FOXP2: variants seen among roughly 807,000 people sequenced by gnomAD.
The protein encoded by FOXP2 is forkhead box protein P2.
A neutral mutation model predicts 115.8 loss-of-function variants in FOXP2; 12 were observed. The observed-to-expected ratio is 0.10, with a 90% CI of 0.07 to 0.17. FOXP2 has a LOEUF of 0.17. Among genes scored for constraint, FOXP2 ranks in the 10% least tolerant of loss-of-function variants. The pLI, the probability that FOXP2 is intolerant of heterozygous loss-of-function variation, is 1.00. For synonymous variants in FOXP2, 328 were observed against 297.7 expected (o/e 1.10, Z -1.05); for missense variants, 629 against 843.5 (o/e 0.75, Z 3.15).
chr7:114,295,529 G>A (rs1057313318), intron 2 of FOXP2, among the ~76,000 whole-genome samples: 19 of 152,290 alleles, frequency 1.2e-4, no homozygotes, highest in African/African-American at 4.6e-4. Context: ...CATGCAGCTT[G>A]AATGTTTTCG....
At chr7:114,482,230 C>T (rs1443706284) in intron 2 of FOXP2, among the ~76,000 whole-genome samples, 1 of 151,450 alleles carries the variant, frequency 6.6e-6, no homozygotes, top group African/African-American at 2.4e-5. Context: ...TAGGAATTGG[C>T]AGTTAGCCCA....
intron 1 of FOXP2, among the ~76,000 whole-genome samples, chr7:114,131,551 T>C (rs1044748391): frequency 6.6e-6 from 1 of 150,520 alleles, no homozygotes; most frequent in African/African-American, 2.4e-5. Context: ...CTGCAAGGAA[T>C]GTGCAAAAAA....
chr7:114,554,769 AT>A (rs889329040), intron 3 of FOXP2, among the ~76,000 whole-genome samples: 18 of 152,022 alleles, frequency 1.2e-4, no homozygotes, highest in Admixed American at 3.3e-4. Context: ...TTTAATACTA[AT>A]TTTTTTTCAT....
At chr7:114,591,583 T>G (rs1029226141) in intron 3 of FOXP2, among the ~76,000 whole-genome samples, 4 of 152,006 alleles carry the variant, frequency 2.6e-5, no homozygotes, top group Non-Finnish European at 4.4e-5. Flanking sequence ...CAGACTCAGA[T>G]TCTGCTCATG....
chr7:114,445,531 C>G (rs1197879990), intron 2 of FOXP2, among the ~76,000 whole-genome samples: 1 of 152,070 alleles, frequency 6.6e-6, no homozygotes, highest in Non-Finnish European at 1.5e-5. Context: ...GAATAAAAAG[C>G]TGAGCAGCTG....
At chr7:114,564,034 AC>A (rs1420050523) in intron 3 of FOXP2, among the ~76,000 whole-genome samples, 1 of 152,092 alleles carries the variant, frequency 6.6e-6, no homozygotes, top group Non-Finnish European at 1.5e-5. Context: ...TCCAGTCTGA[AC>A]CCACACCCTC....
At chr7:114,244,984 G>A (rs187944151) in intron 1 of FOXP2, among the ~76,000 whole-genome samples, 2,776 of 152,120 alleles carry the variant, frequency 0.018, 84 homozygotes, top group African/African-American at 0.064. Flanking sequence ...GGATGGTCTC[G>A]ATCTCCTGAC....
intron 2 of FOXP2, among the ~76,000 whole-genome samples, chr7:114,405,120 T>TA (rs146126925): frequency 0.013 from 2,017 of 152,030 alleles, 42 homozygotes; most frequent in African/African-American, 0.046. Flanking sequence ...GGCCCCCTAT[T>TA]AAGTGGTAGA....
intron 1 of FOXP2, among the ~76,000 whole-genome samples, chr7:114,151,843 A>G (rs1457480175): frequency 1.3e-5 from 2 of 152,118 alleles, no homozygotes; most frequent in Non-Finnish European, 2.9e-5. Context: ...ATATAACACA[A>G]AAACAAGTCA....
chr7:114,675,472 C>G (rs1222933169), intron 16 of FOXP2, among the ~76,000 whole-genome samples: 1 of 152,092 alleles, frequency 6.6e-6, no homozygotes, highest in Non-Finnish European at 1.5e-5. Flanking sequence ...ATTTTGAATT[C>G]ATTTTATATC....
chr7:114,584,726 C>T (rs1380893449), intron 3 of FOXP2, among the ~76,000 whole-genome samples: 2 of 152,216 alleles, frequency 1.3e-5, no homozygotes, highest in African/African-American at 4.8e-5. Flanking sequence ...TCCTTCCTCT[C>T]TGCTCTGAAA....
chr7:114,384,964 G>A (rs1385388409), intron 2 of FOXP2, among the ~76,000 whole-genome samples: 2 of 151,576 alleles, frequency 1.3e-5, no homozygotes, highest in Non-Finnish European at 2.9e-5. Context: ...GACTTTTAAA[G>A]GAATAGGGCA....
At chr7:114,146,765 A>G (rs1361901636) in intron 1 of FOXP2, among the ~76,000 whole-genome samples, 1 of 152,206 alleles carries the variant, frequency 6.6e-6, no homozygotes, top group Non-Finnish European at 1.5e-5. Context: ...CAGGCAGGAA[A>G]AACAATAGAC....
chr7:114,616,365 G>A (rs1182969360), intron 3 of FOXP2, among the ~76,000 whole-genome samples: 2 of 152,086 alleles, frequency 1.3e-5, no homozygotes, highest in Non-Finnish European at 2.9e-5. Flanking sequence ...GTTTCACCAC[G>A]TTGGCCAAGC....
intron 2 of FOXP2, among the ~76,000 whole-genome samples, chr7:114,533,584 G>A (rs926969445): frequency 6.6e-6 from 1 of 151,786 alleles, no homozygotes; most frequent in Admixed American, 6.6e-5. Context: ...ATCCAATAAT[G>A]TTTTCTCATT....
At chr7:114,448,223 G>A (rs1346484182) in intron 2 of FOXP2, among the ~76,000 whole-genome samples, 2 of 152,108 alleles carry the variant, frequency 1.3e-5, no homozygotes, top group African/African-American at 4.8e-5. Flanking sequence ...AGTTAAGAGT[G>A]TAAAGAAAAT....
chr7:114,458,528 A>T (rs541613541), intron 2 of FOXP2, among the ~76,000 whole-genome samples: 2 of 150,088 alleles, frequency 1.3e-5, no homozygotes, highest in South Asian at 2.1e-4. Flanking sequence ...CAGTTGCTTA[A>T]CTATGATATT....
At chr7:114,451,028 G>A (rs968341337) in intron 2 of FOXP2, among the ~76,000 whole-genome samples, 3 of 151,990 alleles carry the variant, frequency 2.0e-5, no homozygotes, top group African/African-American at 7.2e-5. Flanking sequence ...AAAATGCTTT[G>A]AAATAATATC....
At chr7:114,222,614 A>G (rs537131526) in intron 1 of FOXP2, among the ~76,000 whole-genome samples, 34 of 152,218 alleles carry the variant, frequency 2.2e-4, no homozygotes, top group Non-Finnish European at 3.5e-4. Context: ...AAGTCGCTAC[A>G]TTATAAGGTT....
Sources: allele counts gnomAD v4.1 joint callset (sites outside exome capture counted in the v4.1 genomes callset), GRCh38; gene constraint gnomAD v4.1.1; transcripts MANE v1.5; gene names NCBI Gene and HGNC (gene_info 2026-07-23, HGNC 2026-07-21).